Variants in IFT80 observed in about 807,000 individuals in gnomAD.
IFT80 encodes the protein intraflagellar transport protein 80 homolog.
In IFT80, 79 loss-of-function variants were observed where a neutral mutation model predicts 107.9. The observed-to-expected ratio is 0.73, with a 90% CI of 0.61 to 0.88. The LOEUF (loss-of-function observed/expected upper bound fraction) is 0.88, where lower values mean the gene tolerates loss of function less well. Among genes scored for constraint, IFT80 ranks in the 40% least tolerant of loss-of-function variants. The pLI, the probability that IFT80 is intolerant of heterozygous loss-of-function variation, is 0.00. For missense variants in IFT80, 797 were observed against 914.2 expected (o/e 0.87, Z 1.65); for synonymous variants, 299 against 300.9 (o/e 0.99, Z 0.07).
At chr3:160,349,335 G>C (rs764912548) in intron 8 of IFT80, among the ~76,000 whole-genome samples, 17 of 152,152 alleles carry the variant, frequency 1.1e-4, no homozygotes, top group Non-Finnish European at 1.8e-4. Context: ...TGTAATCCCA[G>C]CTACTCGGGA....
At chr3:160,298,776 T>A (rs1217500587) in intron 12 of IFT80, among the ~76,000 whole-genome samples, 1 of 152,168 alleles carries the variant, frequency 6.6e-6, no homozygotes, top group Non-Finnish European at 1.5e-5. Flanking sequence ...TGATATAGCC[T>A]ATTGCTACTA....
At chr3:160,284,794 TTA>T (rs1249989283) in intron 13 of IFT80, among the ~76,000 whole-genome samples, 1 of 152,142 alleles carries the variant, frequency 6.6e-6, no homozygotes, top group African/African-American at 2.4e-5. Context: ...AAAGACAGTA[TTA>T]TATGAAAAAA....
chr3:160,272,648 C>T (rs571279458), intron 18 of IFT80, among the ~76,000 whole-genome samples: 5 of 152,184 alleles, frequency 3.3e-5, no homozygotes, highest in South Asian at 4.1e-4. Flanking sequence ...CTTAAGTTTT[C>T]GTGATAAACC....
rs1394720818 is a variant in IFT80, at chr3:160,277,572, ATTAC to A, written c.1926+5_1926+8del. 4.4e-6 allele frequency: 7 copies of A among 1,605,020 alleles called. No individual in the cohort carries two copies. Among genetic ancestry groups the A allele is most frequent in the East Asian group, 2.2e-5 (1 of 44,768 alleles). On this transcript the variant is annotated splice_donor_5th_base_variant and intron_variant, in intron 17 of 19. Transcript: ENST00000326448. ...CACATGTACATATATGTAAACATTAATTACTTACTTCACCAATTGCTGCATAGGC... is the reference window on the plus strand; with the variant it reads ...CACATGTACATATATGTAAACATTAATTACTTCACCAATTGCTGCATAGGC...
intron 8 of IFT80, among the ~76,000 whole-genome samples, chr3:160,349,739 G>GC (rs746963062): frequency 6.6e-6 from 1 of 151,864 alleles, no homozygotes; most frequent in African/African-American, 2.4e-5. Flanking sequence ...GCCTTGGCAA[G>GC]TTTTTTTTCG....
chr3:160,363,824 G>T (rs1224288587), intron 6 of IFT80, among the ~76,000 whole-genome samples: 3 of 152,156 alleles, frequency 2.0e-5, no homozygotes, highest in African/African-American at 7.2e-5. Context: ...GCTGAAACTG[G>T]TTCCCTTCCT....
chr3:160,378,723 TAAAAA>T (rs1467782651), intron 3 of IFT80, among the ~76,000 whole-genome samples: 2 of 151,598 alleles, frequency 1.3e-5, no homozygotes, highest in African/African-American at 4.8e-5. Context: ...CATCAAAATT[TAAAAA>T]TGATAATAAT....
chr3:160,338,804 C>T (rs1469540765), intron 8 of IFT80, among the ~76,000 whole-genome samples: 1 of 152,170 alleles, frequency 6.6e-6, no homozygotes, highest in Admixed American at 6.6e-5. Flanking sequence ...CTCTTGCTCT[C>T]CTTTCTAAAT....
chr3:160,377,701 A>G, intron 3 of IFT80, 161 bp from the exon 4 acceptor site: 1 of 478,270 alleles, frequency 2.1e-6, no homozygotes, highest in Non-Finnish European at 3.7e-6. Context: ...GCACAAAAAC[A>G]AAATTATTTA....
chr3:160,308,926 T>C (rs1717023733), intron 9 of IFT80, among the ~76,000 whole-genome samples: 2 of 152,124 alleles, frequency 1.3e-5, no homozygotes, highest in African/African-American at 2.4e-5. Context: ...CCACCAAGCA[T>C]GGACACAGCA....
At chr3:160,302,085 A>G (rs1290092797) in intron 11 of IFT80, among the ~76,000 whole-genome samples, 2 of 152,026 alleles carry the variant, frequency 1.3e-5, no homozygotes, top group African/African-American at 4.8e-5. Flanking sequence ...CACACATACT[A>G]TGGCTATATT....
chr3:160,370,214 T>C (rs1722138224), intron 5 of IFT80, among the ~76,000 whole-genome samples: 1 of 152,154 alleles, frequency 6.6e-6, no homozygotes, highest in Non-Finnish European at 1.5e-5. Context: ...TTACAGTAGC[T>C]ATCTTTGCCT....
intron 8 of IFT80, among the ~76,000 whole-genome samples, chr3:160,324,883 A>G (rs1304925218): frequency 2.0e-5 from 3 of 151,970 alleles, no homozygotes; most frequent in African/African-American, 4.8e-5. Context: ...AGAAAACCCC[A>G]TTGTCTCAGC....
chr3:160,397,565 CATAA>C (rs1227377009), intron 1 of IFT80, among the ~76,000 whole-genome samples: 1 of 152,110 alleles, frequency 6.6e-6, no homozygotes, highest in African/African-American at 2.4e-5. Flanking sequence ...ATGCTAGTTT[CATAA>C]ATAAATACTC....
At chr3:160,373,395 C>G (rs1365036556) in intron 5 of IFT80, 2 of 152,108 alleles carry the variant, frequency 1.3e-5, no homozygotes, top group Non-Finnish European at 2.9e-5. Flanking sequence ...GGTTTCCAGA[C>G]TCATTATACA....
intron 6 of IFT80, among the ~76,000 whole-genome samples, chr3:160,359,337 C>T (rs1438751268): frequency 6.6e-6 from 1 of 152,112 alleles, no homozygotes; most frequent in Admixed American, 6.5e-5. Context: ...TTTCTATAAG[C>T]CTAATTACAG....
chr3:160,307,317 C>T (rs1716899845), intron 10 of IFT80, among the ~76,000 whole-genome samples: 1 of 152,018 alleles, frequency 6.6e-6, no homozygotes, highest in Non-Finnish European at 1.5e-5. Flanking sequence ...CCAGCTAATT[C>T]AAAAAATTTT....
chr3:160,277,728 A>G (rs1714379071), intron 16 of IFT80, 58 bp from the exon 17 acceptor site: 2 of 1,110,728 alleles, frequency 1.8e-6, no homozygotes, highest in Admixed American at 1.7e-5. Context: ...CCTTAAAATA[A>G]GCAGTGATTT....
intron 13 of IFT80, among the ~76,000 whole-genome samples, chr3:160,283,674 G>GTCA (rs1248010015): frequency 6.6e-6 from 1 of 151,940 alleles, no homozygotes; most frequent in Non-Finnish European, 1.5e-5. Flanking sequence ...GCTTATCATC[G>GTCA]TCATCATCAT....
Sources: gnomAD v4.1 joint callset for allele counts (sites outside exome capture counted in the v4.1 genomes callset) on GRCh38, gnomAD v4.1.1 for gene constraint, MANE v1.5 for transcripts, NCBI Gene and HGNC (gene_info 2026-07-23, HGNC 2026-07-21) for gene names.